Variants in EXOC6B observed in about 807,000 individuals in gnomAD.
EXOC6B encodes SEC15 homolog B.
Under a neutral mutation model 113.5 loss-of-function variants are expected in EXOC6B, and 54 were observed. The ratio of observed to expected loss-of-function variants is 0.48; its 90% CI spans 0.38 to 0.60. The LOEUF is 0.60. Ranked by LOEUF, EXOC6B falls within the 20% of genes least tolerant of loss-of-function variation. The pLI, the probability that EXOC6B is intolerant of heterozygous loss-of-function variation, is 0.00. For missense variants in EXOC6B, 797 were observed against 977.5 expected (o/e 0.82, Z 2.46); for synonymous variants, 357 against 339.0 (o/e 1.05, Z -0.58).
At chr2:72,275,247 C>T (rs1684743951) in intron 20 of EXOC6B, among the ~76,000 whole-genome samples, 1 of 152,120 alleles carries the variant, frequency 6.6e-6, no homozygotes, top group Non-Finnish European at 1.5e-5. Context: ...CTTCACCACC[C>T]CTCCCTGTCA....
intron 6 of EXOC6B, among the ~76,000 whole-genome samples, chr2:72,697,824 C>G (rs958787455): frequency 6.6e-6 from 1 of 152,206 alleles, no homozygotes; most frequent in East Asian, 1.9e-4. Context: ...CAATATTTTA[C>G]TTACTACACT....
intron 20 of EXOC6B, among the ~76,000 whole-genome samples, chr2:72,238,099 AC>A (rs1384430549): frequency 1.3e-5 from 2 of 152,222 alleles, no homozygotes; most frequent in East Asian, 3.9e-4. Context: ...TCTGGCAATT[AC>A]TACTCTACTT....
At chr2:72,252,552 T>C (rs1218258135) in intron 20 of EXOC6B, among the ~76,000 whole-genome samples, 1 of 152,200 alleles carries the variant, frequency 6.6e-6, no homozygotes, top group Non-Finnish European at 1.5e-5. Flanking sequence ...TGGGTTCACA[T>C]CTTGGTTCTA....
intron 18 of EXOC6B, among the ~76,000 whole-genome samples, chr2:72,447,736 G>A (rs191701834): frequency 7.9e-5 from 12 of 152,280 alleles, no homozygotes; most frequent in African/African-American, 2.9e-4. Context: ...TTGGTCATGG[G>A]ATTTGATGCT....
At chr2:72,552,715 C>T (rs887566161) in intron 8 of EXOC6B, among the ~76,000 whole-genome samples, 2 of 151,544 alleles carry the variant, frequency 1.3e-5, no homozygotes, top group African/African-American at 4.8e-5. Flanking sequence ...CTAATAAACA[C>T]AAGGATATTA....
chr2:72,640,815 T>G (rs966875919), intron 6 of EXOC6B, among the ~76,000 whole-genome samples: 2 of 152,138 alleles, frequency 1.3e-5, no homozygotes, highest in Admixed American at 1.3e-4. Context: ...AAGCAGGGGT[T>G]ACAAACCTAG....
intron 5 of EXOC6B, chr2:72,722,093 CAT>C (rs1490080153): frequency 6.7e-6 from 1 of 150,370 alleles, no homozygotes; most frequent in East Asian, 1.9e-4. Context: ...AACATGTATG[CAT>C]ATATGAGATA....
intron 5 of EXOC6B, among the ~76,000 whole-genome samples, chr2:72,719,693 T>C (rs1006543189): frequency 1.3e-5 from 2 of 152,222 alleles, no homozygotes; most frequent in African/African-American, 4.8e-5. Flanking sequence ...AGCTGATGAC[T>C]ATTTAAAAAT....
rs984291212 is a variant in EXOC6B, at chr2:72,492,531, T to A, written c.1554-102A>T. On this transcript the variant is annotated intron_variant, in intron 15 of 21. Transcript: ENST00000272427. The stretch of plus-strand genomic sequence containing the variant: ...CGTGGTAATAATAATAAAATAATAA[T>A]AGCAGCAGCAAATAATACTTATTGT... 9.5e-6 allele frequency: 6 copies of A among 634,174 alleles called. No homozygotes were observed. In the East Asian group the frequency reaches 1.6e-4, roughly 17 times the overall value. 39.3% of individuals were successfully genotyped at this position (634,174 alleles called of 1,614,324 possible).
chr2:72,322,458 C>A (rs1572911152), intron 20 of EXOC6B, among the ~76,000 whole-genome samples: 1 of 152,028 alleles, frequency 6.6e-6, no homozygotes, highest in African/African-American at 2.4e-5. Context: ...ACACAAGAAG[C>A]CTTTTTGGCA....
chr2:72,198,472 G>C (rs1679303698), intron 20 of EXOC6B, among the ~76,000 whole-genome samples: 1 of 152,188 alleles, frequency 6.6e-6, no homozygotes, highest in Non-Finnish European at 1.5e-5. Context: ...GTTTAACTTA[G>C]ATAACGTTAT....
At chr2:72,618,121 C>A (rs938237117) in intron 6 of EXOC6B, among the ~76,000 whole-genome samples, 2 of 151,992 alleles carry the variant, frequency 1.3e-5, no homozygotes, top group Non-Finnish European at 2.9e-5. Context: ...GTAATCCCAG[C>A]ACTTTGGGAG....
In EXOC6B at chr2:72,575,720, G is replaced by A. The variant is rs566279527; in HGVS notation, c.670-52C>T. On this transcript the variant is annotated intron_variant, in intron 6 of 21. Transcript: ENST00000272427. The stretch of plus-strand genomic sequence containing the variant: ...CACACCAAAAAGGTGGGGTTAGGGA[G>A]AGAGAAAGAAAGAAAAAAAGAAAAG... 3.4e-5 allele frequency: 47 copies of A among 1,393,252 alleles called. 2 individuals are homozygous for A. In the African/African-American group the frequency reaches 4.0e-4, roughly 12 times the overall value. The allele number at this position is 1,393,252 out of a possible 1,614,324, so 86.3% of individuals were successfully genotyped here.
intron 8 of EXOC6B, among the ~76,000 whole-genome samples, chr2:72,536,711 G>C (rs954227756): frequency 6.6e-6 from 1 of 152,142 alleles, no homozygotes; most frequent in African/African-American, 2.4e-5. Flanking sequence ...GAGCTTCTTT[G>C]AGATATGGGC....
intron 20 of EXOC6B, among the ~76,000 whole-genome samples, chr2:72,238,908 C>T (rs1266430141): frequency 6.6e-6 from 1 of 151,856 alleles, no homozygotes; most frequent in Non-Finnish European, 1.5e-5. Flanking sequence ...TTTTTGTTTG[C>T]TTGTTTTTTA....
At chr2:72,722,946 C>A (rs995956659) in intron 5 of EXOC6B, among the ~76,000 whole-genome samples, 1 of 152,130 alleles carries the variant, frequency 6.6e-6, no homozygotes, top group Non-Finnish European at 1.5e-5. Flanking sequence ...TAGTACAAAA[C>A]CCAGTGATTC....
intron 6 of EXOC6B, among the ~76,000 whole-genome samples, chr2:72,575,963 G>C (rs1704825996): frequency 2.0e-5 from 3 of 151,954 alleles, no homozygotes; most frequent in Admixed American, 6.6e-5. Context: ...TCATCATAAG[G>C]CTTTTCAAAA....
intron 20 of EXOC6B, among the ~76,000 whole-genome samples, chr2:72,283,967 T>G (rs561943733): frequency 6.6e-5 from 10 of 152,052 alleles, no homozygotes; most frequent in Non-Finnish European, 1.5e-4. Flanking sequence ...ATATAAATAT[T>G]ATAGAAATTG....
chr2:72,612,803 G>A (rs572299930), intron 6 of EXOC6B, among the ~76,000 whole-genome samples: 4 of 152,250 alleles, frequency 2.6e-5, no homozygotes, highest in East Asian at 1.9e-4. Flanking sequence ...AATAAACTCC[G>A]TATTTGTTTA....
Sources: gnomAD v4.1 joint callset for allele counts (sites outside exome capture counted in the v4.1 genomes callset) on GRCh38, gnomAD v4.1.1 for gene constraint, MANE v1.5 for transcripts, NCBI Gene and HGNC (gene_info 2026-07-23, HGNC 2026-07-21) for gene names.